Variants in GLDN observed in about 807,000 individuals in gnomAD.
GLDN encodes the protein collomin.
In GLDN, 47 loss-of-function variants were observed where a neutral mutation model predicts 56.5. That is an observed-to-expected ratio of 0.83 (90% CI 0.66 to 1.06). The LOEUF (loss-of-function observed/expected upper bound fraction) is 1.06. Ranked by LOEUF, GLDN falls within the 50% of genes least tolerant of loss-of-function variation. The probability of loss-of-function intolerance (pLI) is 0.00; values close to 1 mark genes in which losing one functional copy is unlikely to be tolerated. For synonymous variants in GLDN, 332 were observed against 278.8 expected (o/e 1.19, Z -1.90); for missense variants, 782 against 714.3 (o/e 1.09, Z -1.08).
rs1327934975 is a variant in GLDN at position 51,394,886 on chromosome 15, A to G, written c.593A>G (p.His198Arg). 9 of 1,613,610 alleles carry G rather than the reference A, an allele frequency of 5.6e-6. No homozygotes were observed. Among genetic ancestry groups the G allele is most frequent in the Non-Finnish European group, 6.8e-6 (8 of 1,179,770 alleles). ...NPGERGEKGDHGELGLQGNEG... is the reference protein window; with the variant it reads ...NPGERGEKGDRGELGLQGNEG... Reference sequence around the variant, plus strand: ...GGGGAAAGGGGAGAAAAGGGAGACCATGGTGAACTGGGCCTGCAGGGAAAT... The same window carrying G: ...GGGGAAAGGGGAGAAAAGGGAGACCGTGGTGAACTGGGCCTGCAGGGAAAT... Residue 198 changes from histidine (H) to arginine (R), a missense_variant, in exon 5 of 10, where the codon CAT (histidine) becomes CGT (arginine). Physicochemically the swap from His to Arg is conservative, Grantham distance 29 (BLOSUM62 0). Coordinates refer to ENST00000335449, the MANE Select transcript of GLDN (RefSeq NM_181789.4).
intron 1 of GLDN, among the ~76,000 whole-genome samples, chr15:51,347,495 C>T (rs1467957448): frequency 6.6e-6 from 1 of 152,088 alleles, no homozygotes; most frequent in Non-Finnish European, 1.5e-5. Context: ...CTTCTTCTTC[C>T]ATTGTGGCCC....
At chr15:51,395,637 G>C (rs1047755530) in intron 5 of GLDN, among the ~76,000 whole-genome samples, 1 of 152,166 alleles carries the variant, frequency 6.6e-6, no homozygotes, top group Non-Finnish European at 1.5e-5. Flanking sequence ...GTGCAGCCCA[G>C]GGGCGGTGGA....
intron 4 of GLDN, among the ~76,000 whole-genome samples, chr15:51,388,200 CT>C (rs1196152432): frequency 4.6e-5 from 7 of 152,318 alleles, no homozygotes; most frequent in African/African-American, 1.7e-4. Context: ...ATCCCCTGCT[CT>C]TTTGAAATAT....
chr15:51,411,171 T>C (rs1373881691), downstream of GLDN, among the ~76,000 whole-genome samples: 2 of 152,214 alleles, frequency 1.3e-5, no homozygotes, highest in African/African-American at 4.8e-5. Context: ...GCGTGACTAA[T>C]CACCAATAGA....
intron 1 of GLDN, among the ~76,000 whole-genome samples, chr15:51,363,312 A>T: frequency 6.6e-6 from 1 of 152,190 alleles, no homozygotes; most frequent in East Asian, 1.9e-4. Flanking sequence ...GTCCTTTATA[A>T]ACAACAAAAT....
intron 1 of GLDN, among the ~76,000 whole-genome samples, chr15:51,373,450 C>T (rs918478257): frequency 4.6e-5 from 7 of 152,156 alleles, no homozygotes; most frequent in Non-Finnish European, 7.3e-5. Context: ...GATAAAAGTT[C>T]GTGTACAAGT....
intron 4 of GLDN, among the ~76,000 whole-genome samples, chr15:51,394,382 G>A (rs1239541252): frequency 6.6e-6 from 1 of 152,166 alleles, no homozygotes; most frequent in Non-Finnish European, 1.5e-5. Flanking sequence ...GGAGGCCGAG[G>A]CAGGCGGATC....
the GLDN span, among the ~76,000 whole-genome samples, chr15:51,413,168 T>C: frequency 6.6e-6 from 1 of 152,222 alleles, no homozygotes; most frequent in South Asian, 2.1e-4. Flanking sequence ...TTATAATTTG[T>C]GTAATTGTTA....
rs768157627 is a variant in GLDN at position 51,377,443 on chromosome 15, C to T, written c.364-6C>T. On this transcript the variant is annotated splice_region_variant and splice_polypyrimidine_tract_variant and intron_variant, in intron 1 of 9. Transcript: ENST00000335449. ...GTCTGCTCTGATGACCCTCTCTCCC[C>T]TGCAGATCCGAGTGATGGTGGACCT... 62 of 1,613,328 alleles carry T rather than the reference C, an allele frequency of 3.8e-5. No homozygotes were observed. The highest frequency in any genetic ancestry group is 3.3e-5 in the Admixed American group (2 of 60,002).
chr15:51,375,958 T>C (rs1036629727), intron 1 of GLDN, among the ~76,000 whole-genome samples: 1 of 152,220 alleles, frequency 6.6e-6, no homozygotes, highest in Non-Finnish European at 1.5e-5. Context: ...AAAGTTGGAT[T>C]TGGCAATTCC....
intron 4 of GLDN, among the ~76,000 whole-genome samples, chr15:51,387,346 T>C (rs1227547489): frequency 6.6e-6 from 1 of 152,172 alleles, no homozygotes; most frequent in Non-Finnish European, 1.5e-5. Flanking sequence ...AACAGCCATA[T>C]CCACCTACCA....
intron 1 of GLDN, among the ~76,000 whole-genome samples, chr15:51,354,903 A>C (rs575680218): frequency 1.1e-4 from 16 of 152,342 alleles, no homozygotes; most frequent in African/African-American, 3.8e-4. Context: ...GAAAGTTAGA[A>C]AGTTATTACA....
chr15:51,367,201 C>T (rs1482276346), intron 1 of GLDN, among the ~76,000 whole-genome samples: 1 of 152,180 alleles, frequency 6.6e-6, no homozygotes, highest in Non-Finnish European at 1.5e-5. Flanking sequence ...AGAAGAACAC[C>T]TGGTGGGGGA....
At chr15:51,387,407 C>A (rs2037921098) in intron 4 of GLDN, among the ~76,000 whole-genome samples, 1 of 152,020 alleles carries the variant, frequency 6.6e-6, no homozygotes. Context: ...CTCTGAGGTA[C>A]AGTGATAGAG....
intron 1 of GLDN, among the ~76,000 whole-genome samples, chr15:51,359,466 T>TC (rs1004875426): frequency 5.9e-5 from 9 of 152,074 alleles, no homozygotes; most frequent in Non-Finnish European, 2.9e-5. Context: ...AGGGAACAAT[T>TC]CCCCACAGGC....
At chr15:51,346,133 A>G (rs1008354983) in intron 1 of GLDN, among the ~76,000 whole-genome samples, 3 of 152,228 alleles carry the variant, frequency 2.0e-5, no homozygotes, top group African/African-American at 7.2e-5. Flanking sequence ...GTTAACTTAG[A>G]AATCTGATGT....
intron 1 of GLDN, 182 bp downstream of exon 1, chr15:51,342,229 C>G (rs1380579907): frequency 1.4e-5 from 10 of 708,254 alleles, no homozygotes; most frequent in African/African-American, 3.7e-5. Flanking sequence ...AGTCTGTTTT[C>G]TCATCTGTGA....
chr15:51,385,681 G>A (rs983849130), intron 4 of GLDN: 1 of 152,228 alleles, frequency 6.6e-6, no homozygotes, highest in Non-Finnish European at 1.5e-5. Context: ...CCCTCAGAAG[G>A]GACCTTTGAG....
At chr15:51,357,007 A>C (rs2037199174) in intron 1 of GLDN, among the ~76,000 whole-genome samples, 1 of 152,194 alleles carries the variant, frequency 6.6e-6, no homozygotes, top group Non-Finnish European at 1.5e-5. Flanking sequence ...CTCTAGAAAA[A>C]ATACTGTTTT....
Sources: gnomAD v4.1 joint callset for allele counts (sites outside exome capture counted in the v4.1 genomes callset) on GRCh38, gnomAD v4.1.1 for gene constraint, MANE v1.5 for transcripts, NCBI Gene and HGNC (gene_info 2026-07-23, HGNC 2026-07-21) for gene names.